Variants in MARK3 observed in about 807,000 individuals in gnomAD.
The protein encoded by MARK3 is MAP/microtubule affinity-regulating kinase 3.
MARK3 carries 46 observed loss-of-function variants against 90.1 expected under a neutral mutation model. The observed-to-expected ratio is 0.51, with a 90% CI of 0.40 to 0.65. The LOEUF is 0.65. MARK3 is among the 30% of genes least tolerant of loss of function. The pLI is 0.00. For synonymous variants in MARK3, 321 were observed against 332.6 expected (o/e 0.97, Z 0.38); for missense variants, 818 against 947.2 (o/e 0.86, Z 1.79).
chr14:103,402,281 G>A (rs187835007), intron 1 of MARK3, among the ~76,000 whole-genome samples: 9 of 152,250 alleles, frequency 5.9e-5, no homozygotes, highest in Admixed American at 2.0e-4. Context: ...GGCCGAGCGC[G>A]GTGGCTCATG....
chr14:103,477,398 A>G (rs192891739), intron 13 of MARK3, among the ~76,000 whole-genome samples: 13 of 152,132 alleles, frequency 8.5e-5, no homozygotes, highest in African/African-American at 3.1e-4. Flanking sequence ...AGGCTGAGGC[A>G]GGAGAATTGC....
chr14:103,494,581 T>C (rs1269024502), intron 15 of MARK3, among the ~76,000 whole-genome samples: 1 of 151,116 alleles, frequency 6.6e-6, no homozygotes, highest in Non-Finnish European at 1.5e-5. Flanking sequence ...GCATTGATTT[T>C]ATTACATGTA....
chr14:103,449,062 C>T, intron 4 of MARK3, 95 bp downstream of exon 4: 1 of 1,272,700 alleles, frequency 7.9e-7, no homozygotes, highest in South Asian at 1.3e-5. Flanking sequence ...GTAGAGTACA[C>T]TTCTAGTAAA....
intron 14 of MARK3, among the ~76,000 whole-genome samples, chr14:103,488,620 T>C: frequency 6.6e-6 from 1 of 152,160 alleles, no homozygotes; most frequent in African/African-American, 2.4e-5. Flanking sequence ...TTTGGGAGGC[T>C]GAGGCAGAAG....
At chr14:103,410,844 T>C (rs2091584967) in intron 2 of MARK3, among the ~76,000 whole-genome samples, 1 of 152,228 alleles carries the variant, frequency 6.6e-6, no homozygotes, top group African/African-American at 2.4e-5. Context: ...TTCCCTAGAT[T>C]ACTCCTTTTA....
At chr14:103,483,256 T>C (rs1420282669) in intron 14 of MARK3, among the ~76,000 whole-genome samples, 1 of 150,422 alleles carries the variant, frequency 6.6e-6, no homozygotes, top group Admixed American at 6.7e-5. Context: ...CTATGTTAAC[T>C]TCTGAAACAA....
chr14:103,458,934 C>G (rs2093338510), intron 6 of MARK3: 1 of 443,166 alleles, frequency 2.3e-6, no homozygotes, highest in Non-Finnish European at 4.0e-6. Context: ...CTTCTCTGAT[C>G]CTGTTTTTAA....
chr14:103,466,654 A>G (rs1447552099), intron 10 of MARK3, among the ~76,000 whole-genome samples: 1 of 152,244 alleles, frequency 6.6e-6, no homozygotes, highest in Non-Finnish European at 1.5e-5. Flanking sequence ...TTTATGTTAC[A>G]AAATATATGT....
At chr14:103,389,777 C>A (rs1410389316) in intron 1 of MARK3, among the ~76,000 whole-genome samples, 1 of 150,374 alleles carries the variant, frequency 6.7e-6, no homozygotes, top group African/African-American at 2.4e-5. Flanking sequence ...AACCCTGTCT[C>A]TACTAAAAAT....
intron 6 of MARK3, among the ~76,000 whole-genome samples, chr14:103,461,680 C>T (rs1209033256): frequency 6.6e-6 from 1 of 152,194 alleles, no homozygotes; most frequent in Non-Finnish European, 1.5e-5. Context: ...CCTGGATTAA[C>T]ACCTGGGTAT....
chr14:103,446,128 A>G (rs80235759), intron 3 of MARK3, among the ~76,000 whole-genome samples: 8 of 152,352 alleles, frequency 5.3e-5, no homozygotes, highest in African/African-American at 1.9e-4. Flanking sequence ...AAAGAAGTGA[A>G]CAGATGGGCT....
At chr14:103,460,707 A>C (rs568939197) in intron 6 of MARK3, among the ~76,000 whole-genome samples, 1 of 152,332 alleles carries the variant, frequency 6.6e-6, no homozygotes, top group East Asian at 1.9e-4. Context: ...CCTGTAAGAG[A>C]AATCTCAATA....
chr14:103,449,485 A>G (rs541170003), intron 4 of MARK3, among the ~76,000 whole-genome samples: 48 of 152,054 alleles, frequency 3.2e-4, no homozygotes, highest in African/African-American at 1.1e-3. Context: ...CAGAGGTCCA[A>G]TACTTTTTGC....
intron 3 of MARK3, among the ~76,000 whole-genome samples, chr14:103,438,316 T>C (rs2092765913): frequency 6.6e-6 from 1 of 152,226 alleles, no homozygotes; most frequent in Non-Finnish European, 1.5e-5. Context: ...GTAGCTGTTT[T>C]CAAAATCTAT....
intron 2 of MARK3, among the ~76,000 whole-genome samples, chr14:103,408,386 A>G (rs919016235): frequency 5.3e-5 from 8 of 152,084 alleles, no homozygotes; most frequent in African/African-American, 1.9e-4. Flanking sequence ...AGGGGGTTTC[A>G]CCATGTTGGC....
intron 13 of MARK3, among the ~76,000 whole-genome samples, chr14:103,476,744 C>T (rs1327553135): frequency 3.3e-5 from 5 of 152,186 alleles, no homozygotes; most frequent in Admixed American, 3.3e-4. Context: ...TCTCTGAAAG[C>T]CCTTCATTGT....
chr14:103,482,179 CTTAA>C (rs2093837388), intron 14 of MARK3, among the ~76,000 whole-genome samples: 1 of 151,994 alleles, frequency 6.6e-6, no homozygotes. Context: ...CAATAGAAGA[CTTAA>C]TTAGAAGTTT....
At chr14:103,431,175 T>C (rs2092570528) in intron 3 of MARK3, among the ~76,000 whole-genome samples, 1 of 152,186 alleles carries the variant, frequency 6.6e-6, no homozygotes, top group African/African-American at 2.4e-5. Context: ...GCAGTCTCCC[T>C]CTGCCTCTTG....
At chr14:103,454,253 T>G (rs2093224339) in intron 5 of MARK3, among the ~76,000 whole-genome samples, 1 of 151,936 alleles carries the variant, frequency 6.6e-6, no homozygotes, top group Non-Finnish European at 1.5e-5. Context: ...ACCTTGGGTT[T>G]TTTTTTTTTT....
Sources: allele counts gnomAD v4.1 joint callset (sites outside exome capture counted in the v4.1 genomes callset), GRCh38; gene constraint gnomAD v4.1.1; transcripts MANE v1.5; gene names NCBI Gene and HGNC (gene_info 2026-07-23, HGNC 2026-07-21).